Variants in PREP observed in about 807,000 individuals in gnomAD.
The protein encoded by PREP is dJ355L5.1 (prolyl endopeptidase).
PREP carries 29 observed loss-of-function variants against 87.6 expected under a neutral mutation model. The ratio of observed to expected loss-of-function variants is 0.33; its 90% CI spans 0.25 to 0.45. The LOEUF is 0.45. PREP is among the 20% of genes least tolerant of loss of function. The pLI is 1.00. For synonymous variants in PREP, 337 were observed against 328.6 expected (o/e 1.03, Z -0.28); for missense variants, 695 against 886.5 (o/e 0.78, Z 2.74).
Position 105,273,221 on chromosome 6 carries a change from C to A in PREP, c.*4923G>T, listed in dbSNP as rs1279073565. On this transcript the variant is annotated 3_prime_UTR_variant, in exon 15 of 15. Transcript: ENST00000652536. ...GGCACTCATCCAGAAAGGGTCATTG[C>A]TCTTTTTTCTCTTTATTTCACTACC... 6.6e-6 allele frequency: 1 copy of A among 152,152 alleles called. No homozygotes were observed. The highest frequency in any genetic ancestry group is 2.4e-5 in the African/African-American group (1 of 41,424). 9.4% of individuals were successfully genotyped at this position (152,152 alleles called of 1,614,324 possible).
chr6:105,322,543 C>T, intron 10 of PREP: 1 of 986,226 alleles, frequency 1.0e-6, no homozygotes, highest in Non-Finnish European at 1.2e-6. Context: ...ATGCTATTTA[C>T]ATAGATGAAG....
At chr6:105,293,355 T>C (rs570303015) in intron 10 of PREP, among the ~76,000 whole-genome samples, 3 of 152,212 alleles carry the variant, frequency 2.0e-5, no homozygotes, top group African/African-American at 7.2e-5. Flanking sequence ...TCAGAACACA[T>C]ACAATATTTA....
At chr6:105,354,807 T>TAC (rs563338755) in intron 6 of PREP, among the ~76,000 whole-genome samples, 84 of 151,538 alleles carry the variant, frequency 5.5e-4, no homozygotes, top group African/African-American at 2.0e-3. Context: ...TGTATATATA[T>TAC]ACATACATAC....
intron 2 of PREP, among the ~76,000 whole-genome samples, chr6:105,380,077 A>T (rs1441111464): frequency 6.6e-6 from 1 of 152,216 alleles, no homozygotes; most frequent in Non-Finnish European, 1.5e-5. Context: ...ACCTCAATCC[A>T]CAAATGGTTT....
intron 7 of PREP, among the ~76,000 whole-genome samples, chr6:105,350,508 T>C (rs1771918881): frequency 6.6e-6 from 1 of 152,238 alleles, no homozygotes; most frequent in South Asian, 2.1e-4. Context: ...TAATGATCCC[T>C]ATCTGAATCT....
intron 7 of PREP, among the ~76,000 whole-genome samples, chr6:105,340,930 C>A (rs1324166625): frequency 2.0e-5 from 3 of 152,164 alleles, no homozygotes; most frequent in Non-Finnish European, 4.4e-5. Context: ...GACTCCCACA[C>A]AATAATAATG....
At chr6:105,341,589 T>C (rs1478953115) in intron 7 of PREP, among the ~76,000 whole-genome samples, 1 of 152,104 alleles carries the variant, frequency 6.6e-6, no homozygotes, top group African/African-American at 2.4e-5. Flanking sequence ...AAAAAATCAA[T>C]GAATCCAGGA....
chr6:105,325,179 C>T (rs1771117990), intron 9 of PREP, among the ~76,000 whole-genome samples: 1 of 152,006 alleles, frequency 6.6e-6, no homozygotes, highest in Admixed American at 6.6e-5. Flanking sequence ...CCCACAAACA[C>T]AAAAAGCATG....
chr6:105,360,146 A>C (rs1772209482), intron 6 of PREP, among the ~76,000 whole-genome samples: 1 of 151,086 alleles, frequency 6.6e-6, no homozygotes, highest in South Asian at 2.1e-4. Flanking sequence ...GAAACAGAAC[A>C]AGAGTCAACA....
At chr6:105,281,508 G>A in intron 14 of PREP, 1 of 430,988 alleles carries the variant, frequency 2.3e-6, no homozygotes, top group Non-Finnish European at 4.1e-6. Flanking sequence ...AACCAGGGTA[G>A]GAATCTTGGG....
intron 2 of PREP, among the ~76,000 whole-genome samples, chr6:105,396,472 A>G (rs1773287593): frequency 1.3e-5 from 2 of 152,104 alleles, no homozygotes; most frequent in Admixed American, 6.5e-5. Flanking sequence ...TCCATATACC[A>G]TCATGCTCTG....
At chr6:105,346,875 C>T (rs569249864) in intron 7 of PREP, among the ~76,000 whole-genome samples, 23 of 152,258 alleles carry the variant, frequency 1.5e-4, no homozygotes, top group African/African-American at 4.3e-4. Flanking sequence ...CTGAGGCAGA[C>T]GGATCACCTG....
intron 2 of PREP, among the ~76,000 whole-genome samples, chr6:105,382,722 G>A (rs1226534740): frequency 3.3e-5 from 5 of 152,138 alleles, no homozygotes; most frequent in Non-Finnish European, 1.5e-5. Flanking sequence ...AGGGCAGGGT[G>A]GGCTGGGGCA....
intron 6 of PREP, among the ~76,000 whole-genome samples, chr6:105,364,005 C>G (rs564675125): frequency 1.3e-5 from 2 of 152,204 alleles, no homozygotes; most frequent in Admixed American, 6.5e-5. Context: ...CCAAGAGAGG[C>G]CAACAATGAT....
rs1042389230 is a variant in PREP, at chr6:105,276,526, C to T, written c.*1618G>A. On this transcript the variant is annotated 3_prime_UTR_variant, in exon 15 of 15. Transcript: ENST00000652536. Reference sequence around the variant, plus strand: ...CCATGCAAATGTATTTTCTTTCTTTCCTGCCATGCTGGTCAGCAGTTACAC... The same window carrying T: ...CCATGCAAATGTATTTTCTTTCTTTTCTGCCATGCTGGTCAGCAGTTACAC... Among the ~76,000 whole-genome samples the T allele has an allele frequency of 6.6e-6, 1 of 152,224 alleles. No homozygotes were observed. The highest frequency in any genetic ancestry group is 2.4e-5 in the African/African-American group (1 of 41,456).
At chr6:105,332,482 C>G (rs1249815389) in intron 8 of PREP, among the ~76,000 whole-genome samples, 1 of 152,158 alleles carries the variant, frequency 6.6e-6, no homozygotes, top group Non-Finnish European at 1.5e-5. Flanking sequence ...GGCCACTCTG[C>G]AGATCTCAAA....
At chr6:105,347,999 G>A (rs1345818651) in intron 7 of PREP, among the ~76,000 whole-genome samples, 3 of 152,104 alleles carry the variant, frequency 2.0e-5, no homozygotes, top group Non-Finnish European at 4.4e-5. Flanking sequence ...TAAGGTTCAG[G>A]ATAATTAATT....
At chr6:105,339,290 C>T (rs910073430) in intron 7 of PREP, among the ~76,000 whole-genome samples, 1 of 152,190 alleles carries the variant, frequency 6.6e-6, no homozygotes, top group Non-Finnish European at 1.5e-5. Flanking sequence ...AGTGGACCTC[C>T]AGCAAACTCC....
At chr6:105,353,274 T>C (rs1772004665) in intron 6 of PREP, among the ~76,000 whole-genome samples, 197 bp from the exon 7 acceptor site, 1 of 152,224 alleles carries the variant, frequency 6.6e-6, no homozygotes, top group Admixed American at 6.5e-5. Flanking sequence ...AATCACAGTT[T>C]AACAAAACAC....
Sources: allele counts gnomAD v4.1 joint callset (sites outside exome capture counted in the v4.1 genomes callset), GRCh38; gene constraint gnomAD v4.1.1; transcripts MANE v1.5; gene names NCBI Gene and HGNC (gene_info 2026-07-23, HGNC 2026-07-21).